The following TNFRSF8 variants were observed in gnomAD, a reference collection of about 807,000 sequenced individuals.
TNFRSF8 encodes the protein TNF receptor superfamily member 8.
TNFRSF8 carries 26 observed loss-of-function variants against 70.8 expected under a neutral mutation model. The observed-to-expected ratio is 0.37, with a 90% CI of 0.27 to 0.51. The LOEUF is 0.51. TNFRSF8 is among the 20% of genes least tolerant of loss of function. The probability of loss-of-function intolerance (pLI) is 0.94; values close to 1 mark genes in which losing one functional copy is unlikely to be tolerated. For synonymous variants in TNFRSF8, 356 were observed against 339.2 expected (o/e 1.05, Z -0.54); for missense variants, 720 against 807.9 (o/e 0.89, Z 1.32).
chr1:12,134,700 G>A (rs987268814), intron 12 of TNFRSF8, among the ~76,000 whole-genome samples: 3 of 152,244 alleles, frequency 2.0e-5, no homozygotes, highest in Admixed American at 6.5e-5. Context: ...AGTCCAGCTG[G>A]AGTCAGAAGG....
chr1:12,111,074 G>A (rs1310269190), intron 6 of TNFRSF8, among the ~76,000 whole-genome samples: 1 of 152,172 alleles, frequency 6.6e-6, no homozygotes, highest in East Asian at 1.9e-4. Context: ...AAAAAAAATG[G>A]ATTTGTGGGA....
intron 1 of TNFRSF8, among the ~76,000 whole-genome samples, chr1:12,072,936 T>G (rs1640873196): frequency 6.6e-6 from 1 of 152,152 alleles, no homozygotes. Context: ...CCAAACGGTC[T>G]GGGGGGCATG....
intron 2 of TNFRSF8, among the ~76,000 whole-genome samples, chr1:12,094,885 G>A (rs532192109): frequency 8.6e-4 from 130 of 151,900 alleles, no homozygotes; most frequent in African/African-American, 2.8e-3. Context: ...CTCGGCCTCC[G>A]AAAGTGCTGG....
At chr1:12,132,932 T>C (rs910746805) in intron 12 of TNFRSF8, among the ~76,000 whole-genome samples, 1 of 151,792 alleles carries the variant, frequency 6.6e-6, no homozygotes, top group African/African-American at 2.4e-5. Flanking sequence ...AGCCCCAAAG[T>C]TGATGTGATT....
chr1:12,077,482 G>A (rs1163901008), intron 1 of TNFRSF8, among the ~76,000 whole-genome samples: 1 of 152,190 alleles, frequency 6.6e-6, no homozygotes, highest in East Asian at 1.9e-4. Flanking sequence ...TAGAAGCAGG[G>A]AACAGCCCTT....
At position 12,127,928 on chromosome 1, in the gene TNFRSF8, A is replaced by T. The variant is rs187684312; in HGVS notation, c.1309+1692A>T. 3.9e-5 allele frequency among the ~76,000 whole-genome samples: 6 copies of T among 152,352 alleles called. No homozygotes were observed. In the East Asian group the frequency reaches 1.2e-3, roughly 29 times the overall value. On this transcript the variant is annotated intron_variant, in intron 12 of 14. Coordinates refer to ENST00000263932, the MANE Select transcript of TNFRSF8 (RefSeq NM_001243.5). The stretch of plus-strand genomic sequence containing the variant: ...TGAGCCCTGAGACTCAATGGTGGAC[A>T]TCTTATCTCAGGTCGTTTTTGACCC...
intron 8 of TNFRSF8, among the ~76,000 whole-genome samples, chr1:12,117,839 T>C (rs918157331): frequency 2.6e-5 from 4 of 152,138 alleles, no homozygotes; most frequent in Non-Finnish European, 4.4e-5. Flanking sequence ...TCCACCTACC[T>C]ATACCTCCCA....
chr1:12,079,763 A>G (rs1298077033), intron 1 of TNFRSF8, among the ~76,000 whole-genome samples: 1 of 152,136 alleles, frequency 6.6e-6, no homozygotes, highest in African/African-American at 2.4e-5. Context: ...CAGCAAGAAG[A>G]CTGCCCTCCG....
intron 3 of TNFRSF8, among the ~76,000 whole-genome samples, chr1:12,101,967 G>A (rs1406522190): frequency 2.0e-5 from 3 of 152,060 alleles, no homozygotes; most frequent in Non-Finnish European, 4.4e-5. Context: ...GAGCCACCGC[G>A]CCCGGCTTCC....
chr1:12,099,475 G>T (rs1434001205), intron 3 of TNFRSF8, among the ~76,000 whole-genome samples: 5 of 151,878 alleles, frequency 3.3e-5, no homozygotes, highest in Non-Finnish European at 5.9e-5. Context: ...TTAAGACAGG[G>T]TCTCACTTTG....
rs939572383 is a variant in TNFRSF8 at position 12,138,506 on chromosome 1, G to A, written c.1543+70G>A. ...ATGGGAGATGAATACGGGGCCCTGGGCCCTGGAAGGGACCTGGAGACCCTG... is the reference window on the plus strand; with the variant it reads ...ATGGGAGATGAATACGGGGCCCTGGACCCTGGAAGGGACCTGGAGACCCTG... On this transcript the variant is annotated intron_variant, in intron 14 of 14. Coordinates refer to ENST00000263932, the MANE Select transcript of TNFRSF8 (RefSeq NM_001243.5). The surrounding 1 kb of genome is among the most constrained non-coding windows in gnomAD (Gnocchi z 5.7). 4.9e-6 allele frequency: 7 copies of A among 1,429,726 alleles called. No homozygotes were observed. The African/African-American group carries it at 5.7e-5, about 12-fold the overall frequency. 88.6% of individuals were successfully genotyped at this position (1,429,726 alleles called of 1,614,324 possible).
intron 12 of TNFRSF8, among the ~76,000 whole-genome samples, chr1:12,133,464 G>A (rs1452650842): frequency 1.3e-5 from 2 of 152,096 alleles, no homozygotes; most frequent in East Asian, 1.9e-4. Flanking sequence ...TGCCTCGGCC[G>A]GGTGCCGTGG....
rs1005296460 is a variant in TNFRSF8, at chr1:12,082,033, C to A, written c.64-2431C>A. ...CTTCCTGCTTCCCTTCTCTTGCCTCCCTTCCTGCTTCCCTTCTTTTCCCTT... is the reference window on the plus strand; with the variant it reads ...CTTCCTGCTTCCCTTCTCTTGCCTCACTTCCTGCTTCCCTTCTTTTCCCTT... On this transcript the variant is annotated intron_variant, in intron 1 of 14. Transcript: ENST00000263932. Among the ~76,000 whole-genome samples the A allele has an allele frequency of 6.8e-5, 9 of 131,630 alleles. No homozygotes were observed. The South Asian group carries it at 1.4e-3, about 20-fold the overall frequency. 86.4% of individuals were successfully genotyped at this position (131,630 alleles called of 152,430 possible). A position where few individuals can be genotyped will look rare whatever the true frequency, so the allele number is the denominator to read the frequency against.
At chr1:12,078,743 C>G (rs571270796) in intron 1 of TNFRSF8, among the ~76,000 whole-genome samples, 12 of 152,198 alleles carry the variant, frequency 7.9e-5, no homozygotes, top group African/African-American at 2.4e-4. Flanking sequence ...CTCGTCCTTA[C>G]GTCTCAGTCT....
intron 1 of TNFRSF8, among the ~76,000 whole-genome samples, chr1:12,067,396 A>G (rs190755185): frequency 9.6e-4 from 146 of 152,308 alleles, no homozygotes; most frequent in African/African-American, 3.4e-3. Flanking sequence ...TCATGAAAGT[A>G]TCTTAGCTGG....
chr1:12,080,376 T>A (rs1443714463), intron 1 of TNFRSF8: 1 of 524,742 alleles, frequency 1.9e-6, no homozygotes, highest in Non-Finnish European at 3.8e-6. Flanking sequence ...CCATAGAGCT[T>A]TGTCACAGCC....
chr1:12,072,900 G>A (rs185728824), intron 1 of TNFRSF8, among the ~76,000 whole-genome samples: 3 of 152,274 alleles, frequency 2.0e-5, no homozygotes, highest in African/African-American at 4.8e-5. Flanking sequence ...AGGACGCAGC[G>A]GCCAGGCCAA....
rs1233861864 is a variant in TNFRSF8 at position 12,063,813 on chromosome 1, G to A, written c.63+152G>A. The A allele has an allele frequency of 4.1e-6, 3 of 725,764 alleles. No individual in the cohort carries two copies. The highest frequency in any genetic ancestry group is 5.7e-6 in the Non-Finnish European group (3 of 524,344). 45.0% of individuals were successfully genotyped at this position (725,764 alleles called of 1,614,324 possible). A position where few individuals can be genotyped will look rare whatever the true frequency, so the allele number is the denominator to read the frequency against. On this transcript the variant is annotated intron_variant, in intron 1 of 14. Transcript: ENST00000263932. The surrounding 1 kb of genome is among the most constrained non-coding windows in gnomAD (Gnocchi z 7.2). Reference sequence around the variant, plus strand: ...GTGACAAGCAGGAACACCGGAATATGCTAGCACCCACAGGTGGGAGGCTGG... The same window carrying A: ...GTGACAAGCAGGAACACCGGAATATACTAGCACCCACAGGTGGGAGGCTGG...
intron 13 of TNFRSF8, among the ~76,000 whole-genome samples, chr1:12,137,119 C>T (rs966249780): frequency 4.6e-5 from 7 of 152,070 alleles, no homozygotes; most frequent in Non-Finnish European, 1.0e-4. Context: ...ATACTCAGTT[C>T]TAAGCTGTGG....
Sources: gnomAD v4.1 joint callset for allele counts (sites outside exome capture counted in the v4.1 genomes callset) on GRCh38, gnomAD v4.1.1 for gene constraint, Gnocchi (gnomAD v3.1) non-coding constraint, MANE v1.5 for transcripts, NCBI Gene and HGNC (gene_info 2026-07-23, HGNC 2026-07-21) for gene names.